Variants in CCDC178 observed in about 807,000 individuals in gnomAD.
CCDC178 encodes coiled-coil domain-containing protein 178.
A neutral mutation model predicts 117.4 loss-of-function variants in CCDC178; 126 were observed. That is an observed-to-expected ratio of 1.07 (90% CI 0.93 to 1.24). The LOEUF (loss-of-function observed/expected upper bound fraction) is 1.24, where lower values mean the gene tolerates loss of function less well. Among genes scored for constraint, CCDC178 ranks in the 50% most tolerant of loss-of-function variants. The pLI, the probability that CCDC178 is intolerant of heterozygous loss-of-function variation, is 0.00. For synonymous variants in CCDC178, 283 were observed against 313.4 expected (o/e 0.90, Z 1.02); for missense variants, 1,030 against 986.9 (o/e 1.04, Z -0.59).
intron 9 of CCDC178, 52 bp downstream of exon 9, chr18:33,346,159 T>G: frequency 7.4e-7 from 1 of 1,359,114 alleles, no homozygotes; most frequent in South Asian, 1.3e-5. Flanking sequence ...CTGTAATTAA[T>G]TATCTGTGCC....
chr18:33,317,005 A>G (rs186949507), intron 11 of CCDC178, among the ~76,000 whole-genome samples: 5 of 152,292 alleles, frequency 3.3e-5, no homozygotes, highest in African/African-American at 1.2e-4. Flanking sequence ...GTAAAACAGA[A>G]CAATTGGCTC....
intron 19 of CCDC178, among the ~76,000 whole-genome samples, chr18:33,212,839 C>A (rs1379995296): frequency 6.6e-6 from 1 of 151,762 alleles, no homozygotes; most frequent in African/African-American, 2.4e-5. Flanking sequence ...AGAAAAATAT[C>A]AAAACATGGT....
At chr18:33,153,858 A>AAT (rs913392920) in intron 20 of CCDC178, among the ~76,000 whole-genome samples, 27 of 151,664 alleles carry the variant, frequency 1.8e-4, no homozygotes, top group Middle Eastern at 7.0e-3. Flanking sequence ...ATTTGTAAAT[A>AAT]ATATATATAT....
chr18:33,030,859 T>C (rs1258035031), intron 21 of CCDC178, among the ~76,000 whole-genome samples: 1 of 152,096 alleles, frequency 6.6e-6, no homozygotes, highest in Non-Finnish European at 1.5e-5. Flanking sequence ...TCACAGAAGC[T>C]GAGAATTCCA....
intron 10 of CCDC178, among the ~76,000 whole-genome samples, chr18:33,324,637 T>C (rs2062561085): frequency 7.2e-6 from 1 of 138,200 alleles, no homozygotes; most frequent in East Asian, 1.9e-4. Context: ...AAAAGGTTAT[T>C]GTGTACATTT....
chr18:33,024,553 T>C (rs912596218), intron 21 of CCDC178, among the ~76,000 whole-genome samples: 2 of 152,206 alleles, frequency 1.3e-5, no homozygotes, highest in East Asian at 3.8e-4. Context: ...AGGTACCAGC[T>C]GTTAGAACTT....
intron 21 of CCDC178, chr18:32,983,335 A>G: frequency 6.5e-7 from 1 of 1,529,510 alleles, no homozygotes; most frequent in Non-Finnish European, 8.8e-7. Flanking sequence ...GAAGTTTCTT[A>G]GGTAAGAAGC....
intron 20 of CCDC178, among the ~76,000 whole-genome samples, chr18:33,135,206 T>G (rs964516309): frequency 2.6e-5 from 4 of 152,078 alleles, no homozygotes; most frequent in South Asian, 2.1e-4. Flanking sequence ...TTGGATTTAT[T>G]GGCACAGTGA....
rs7238193 is a variant in CCDC178 at position 33,152,976 on chromosome 18, C to T, written c.2238+58920G>A. 7.5e-5 allele frequency among the ~76,000 whole-genome samples: 11 copies of T among 146,972 alleles called. No homozygotes were observed. In the East Asian group the frequency reaches 2.2e-3, roughly 30 times the overall value. On this transcript the variant is annotated intron_variant, in intron 20 of 22. Transcript: ENST00000383096. The stretch of plus-strand genomic sequence containing the variant: ...AAAAGAGACTATAGGAAGGCACTGT[C>T]GAAGAAAAAACACAAGCAGAAATGA...
At chr18:33,082,118 C>T (rs995906180) in intron 21 of CCDC178, among the ~76,000 whole-genome samples, 2 of 152,106 alleles carry the variant, frequency 1.3e-5, no homozygotes, top group African/African-American at 4.8e-5. Flanking sequence ...AGTTGAGGAA[C>T]CTCCCAAAAT....
intron 22 of CCDC178, among the ~76,000 whole-genome samples, chr18:32,945,599 C>A (rs1229710820): frequency 6.6e-6 from 1 of 152,136 alleles, no homozygotes; most frequent in Non-Finnish European, 1.5e-5. Flanking sequence ...TGTGTAAGCA[C>A]AATTTGGAGA....
chr18:33,002,221 A>G (rs1246029558), intron 21 of CCDC178, among the ~76,000 whole-genome samples: 1 of 152,176 alleles, frequency 6.6e-6, no homozygotes, highest in African/African-American at 2.4e-5. Flanking sequence ...CAGCTGCAGA[A>G]TACACATTCT....
chr18:33,372,116 T>C (rs923657629), intron 5 of CCDC178, among the ~76,000 whole-genome samples: 4 of 152,090 alleles, frequency 2.6e-5, no homozygotes, highest in Non-Finnish European at 2.9e-5. Flanking sequence ...GTTGAATATG[T>C]AACATATGGT....
At chr18:33,354,733 C>G (rs1436740513) in intron 7 of CCDC178, among the ~76,000 whole-genome samples, 1 of 151,856 alleles carries the variant, frequency 6.6e-6, no homozygotes, top group Non-Finnish European at 1.5e-5. Flanking sequence ...GCCTCAGCCT[C>G]CTGAGTAGCT....
intron 5 of CCDC178, among the ~76,000 whole-genome samples, chr18:33,387,424 C>T (rs1364982618): frequency 6.6e-6 from 1 of 151,886 alleles, no homozygotes; most frequent in Non-Finnish European, 1.5e-5. Flanking sequence ...AAAAATAAAA[C>T]AAACCTGGAA....
intron 22 of CCDC178, among the ~76,000 whole-genome samples, chr18:32,947,762 A>G (rs1225734914): frequency 6.6e-6 from 1 of 152,150 alleles, no homozygotes; most frequent in African/African-American, 2.4e-5. Flanking sequence ...TTGGTGCTGT[A>G]CATAAGACAT....
chr18:32,959,833 C>G (rs562469023), intron 22 of CCDC178, among the ~76,000 whole-genome samples: 52 of 151,952 alleles, frequency 3.4e-4, no homozygotes, highest in African/African-American at 1.2e-3. Context: ...CATGGCTCTT[C>G]CACTTGAAAA....
intron 2 of CCDC178, among the ~76,000 whole-genome samples, chr18:33,436,962 T>C (rs969798412): frequency 6.6e-6 from 1 of 152,174 alleles, no homozygotes; most frequent in African/African-American, 2.4e-5. Flanking sequence ...TAGGTCCTTT[T>C]TCATGCATAT....
intron 21 of CCDC178, among the ~76,000 whole-genome samples, chr18:33,058,958 T>G (rs1018563051): frequency 6.6e-6 from 1 of 152,172 alleles, no homozygotes; most frequent in African/African-American, 2.4e-5. Flanking sequence ...ATCATAAATA[T>G]ACAATATTTA....
Sources: allele counts gnomAD v4.1 joint callset (sites outside exome capture counted in the v4.1 genomes callset), GRCh38; gene constraint gnomAD v4.1.1; transcripts MANE v1.5; gene names NCBI Gene and HGNC (gene_info 2026-07-23, HGNC 2026-07-21).